Variants in OPTN observed in about 807,000 individuals in gnomAD.
OPTN encodes the protein optineurin.
A neutral mutation model predicts 70.4 loss-of-function variants in OPTN; 54 were observed. That is an observed-to-expected ratio of 0.77 (90% confidence interval 0.62 to 0.96). The LOEUF (loss-of-function observed/expected upper bound fraction) is 0.96, where lower values mean the gene tolerates loss of function less well. OPTN is among the 40% of genes least tolerant of loss of function. The probability of loss-of-function intolerance (pLI) is 0.00; values close to 1 mark genes in which losing one functional copy is unlikely to be tolerated. For missense variants in OPTN, 624 were observed against 673.2 expected (o/e 0.93, Z 0.81); for synonymous variants, 256 against 248.5 (o/e 1.03, Z -0.28).
At chr10:13,120,718 C>A (rs893634790) in intron 7 of OPTN, among the ~76,000 whole-genome samples, 2 of 152,132 alleles carry the variant, frequency 1.3e-5, no homozygotes, top group Non-Finnish European at 2.9e-5. Flanking sequence ...TTTGTCCTTA[C>A]GCCAGTACCA....
At chr10:13,121,214 G>A (rs1399163476) in intron 7 of OPTN, among the ~76,000 whole-genome samples, 1 of 152,148 alleles carries the variant, frequency 6.6e-6, no homozygotes, top group Non-Finnish European at 1.5e-5. Flanking sequence ...GGAATCAGAA[G>A]GTGGAGAGAC....
chr10:13,127,862 C>A lies in OPTN; in HGVS notation c.1360C>A (p.Gln454Lys). 1 of 1,614,068 alleles carries A rather than the reference C, an allele frequency of 6.2e-7. No individual in the cohort carries two copies. The highest frequency in any genetic ancestry group is 2.2e-5 in the East Asian group (1 of 44,864). ...MDEMKQTIAK[Q>K]EEDLETMTIL... is the part of the protein sequence containing the mutation. ...TGAAATGAAGCAAACCATTGCCAAG[C>A]AGGAAGAGGACCTGGAAACCATGAC... The change falls in exon 12 of 15, where the codon CAG (glutamine) becomes AAG (lysine). Residue 454 changes from glutamine to lysine, a missense_variant. Gln to Lys is a moderately conservative substitution (Grantham distance 53, BLOSUM62 1). Coordinates refer to ENST00000378747, the MANE Select transcript of OPTN (RefSeq NM_001008212.2).
Position 13,137,202 on chromosome 10 carries a change from C to A in OPTN, c.*336C>A. ...GTTGAGGCAGGAGAATTGCTTGAAC[C>A]CAGGAAGTGGCAGTTGCAGTGAGCC... On this transcript the variant is annotated 3_prime_UTR_variant, in exon 15 of 15. Coordinates refer to ENST00000378747, the MANE Select transcript of OPTN (RefSeq NM_001008212.2). 1 of 416,274 alleles carries A rather than the reference C, an allele frequency of 2.4e-6. No homozygotes were observed. The highest frequency in any genetic ancestry group is 4.6e-6 in the Non-Finnish European group (1 of 219,492). The allele number at this position is 416,274 out of a possible 1,614,324, so 25.8% of individuals were successfully genotyped here.
intron 3 of OPTN, 200 bp downstream of exon 3, chr10:13,109,488 G>T (rs997662846): frequency 1.5e-5 from 9 of 584,644 alleles, no homozygotes; most frequent in Non-Finnish European, 3.0e-6. Context: ...AGTAAAAACT[G>T]TGTGTATCTC....
chr10:13,109,473 G>A (rs1832945770), intron 3 of OPTN, 185 bp downstream of exon 3: 1 of 606,548 alleles, frequency 1.6e-6, no homozygotes, highest in Non-Finnish European at 2.9e-6. Context: ...TTGGAAACAG[G>A]TACAAGTAAA....
At chr10:13,108,422 G>A (rs1832913231) in intron 2 of OPTN, 133 bp downstream of exon 2, 1 of 152,112 alleles carries the variant, frequency 6.6e-6, no homozygotes, top group South Asian at 2.1e-4. Flanking sequence ...AAGGAGATTT[G>A]AATTTGAAGA....
rs1320861038 is a variant in OPTN, at chr10:13,102,256, G to A, written c.-164+1954G>A. 2.6e-5 allele frequency among the ~76,000 whole-genome samples: 4 copies of A among 152,358 alleles called. No homozygotes were observed. In the East Asian group the frequency reaches 7.7e-4, roughly 29 times the overall value. ...TCTTTAACGTGCCTTGGGTACGAGT[G>A]TTTTGGTGGCAGGAGGTGACTCTGG... On this transcript the variant is annotated intron_variant, in intron 1 of 14. Coordinates refer to ENST00000378747, the MANE Select transcript of OPTN (RefSeq NM_001008212.2).
rs1833407271 is a variant in OPTN, at chr10:13,124,004, G to A, written c.892G>A (p.Glu298Lys). 3.1e-6 allele frequency: 5 copies of A among 1,612,762 alleles called. No homozygotes were observed. The highest frequency in any genetic ancestry group is 4.2e-6 in the Non-Finnish European group (5 of 1,178,828). ...EEKGPETVGS[E>K]VEALNLQVTS... ...ATTTCCCGTATGATAGGTTGGAAGC[G>A]AAGTGGAAGCACTGAACCTCCAGGT... Residue 298 changes from glutamate (E) to lysine (K), a missense_variant, in exon 9 of 15, where the codon GAA becomes AAA. By Grantham distance (56) the Glu-to-Lys change is moderately conservative (BLOSUM62 1). Transcript: ENST00000378747.
rs745394420 is a variant in OPTN, at chr10:13,118,936, C to T, written c.675C>T (p.Tyr225=). 69 of 1,613,936 alleles carry T rather than the reference C, an allele frequency of 4.3e-5. No individual in the cohort carries two copies. Among genetic ancestry groups the T allele is most frequent in the Non-Finnish European group, 5.7e-5 (67 of 1,179,908 alleles). ...RSRSADGAKN[Y]FEHEELTVSQ... ...GATCTGCAGATGGGGCCAAGAATTA[C>T]TTCGAACATGAGGAGTTAACTGTGA... Residue 225 remains tyrosine (Y), a synonymous_variant, in exon 7 of 15, where the codon TAC becomes TAT. Transcript: ENST00000378747.
intron 11 of OPTN, among the ~76,000 whole-genome samples, 166 bp from the exon 12 acceptor site, chr10:13,127,579 A>G (rs1224279513): frequency 1.3e-5 from 2 of 151,668 alleles, no homozygotes; most frequent in Non-Finnish European, 2.9e-5. Flanking sequence ...CTTGTCTCCC[A>G]CTCCTGGGCT....
intron 7 of OPTN, among the ~76,000 whole-genome samples, chr10:13,119,974 TTTC>T (rs1833305968): frequency 6.8e-6 from 1 of 146,686 alleles, no homozygotes; most frequent in South Asian, 2.1e-4. Flanking sequence ...CTGCAACTAT[TTTC>T]TTTCTTTTTT....
chr10:13,102,201 A>T (rs1435261365), intron 1 of OPTN, among the ~76,000 whole-genome samples: 1 of 152,238 alleles, frequency 6.6e-6, no homozygotes, highest in Non-Finnish European at 1.5e-5. Context: ...GCAAGGACGC[A>T]GAGACAGAAG....
chr10:13,131,955 G>A, intron 12 of OPTN, 112 bp from the exon 13 acceptor site: 1 of 1,039,722 alleles, frequency 9.6e-7, no homozygotes, highest in East Asian at 2.6e-5. Flanking sequence ...TTGTGCATCT[G>A]TGATTCACAA....
chr10:13,131,695 A>C (rs1023467751), intron 12 of OPTN: 8 of 192,142 alleles, frequency 4.2e-5, no homozygotes, highest in African/African-American at 1.4e-4. Context: ...ACCAGCCTTC[A>C]TAAATACACC....
In OPTN at chr10:13,125,898, C is replaced by G. The variant is rs748146234; in HGVS notation, c.1149-48C>G. 5.9e-6 allele frequency: 8 copies of G among 1,366,640 alleles called. No individual in the cohort carries two copies. In the South Asian group the frequency reaches 8.2e-5, roughly 14 times the overall value. 84.7% of individuals were successfully genotyped at this position (1,366,640 alleles called of 1,614,324 possible). On this transcript the variant is annotated intron_variant, in intron 10 of 14. Coordinates refer to ENST00000378747, the MANE Select transcript of OPTN (RefSeq NM_001008212.2). The stretch of plus-strand genomic sequence containing the variant: ...GGTTGGGAGGCAAGACTATAAGTTT[C>G]TATGATATTTTCCCCAGGATTCCAT...
At position 13,127,743 on chromosome 10, in the gene OPTN, A is replaced by C. The variant is rs753145447; in HGVS notation, c.1243-2A>C. The C allele has an allele frequency of 1.2e-6, 2 of 1,613,606 alleles. No homozygotes were observed. Among genetic ancestry groups the C allele is most frequent in the Non-Finnish European group, 1.7e-6 (2 of 1,179,522 alleles). On this transcript the variant is annotated splice_acceptor_variant, in intron 11 of 14. Coordinates refer to ENST00000378747, the MANE Select transcript of OPTN (RefSeq NM_001008212.2). LOFTEE classifies it high-confidence loss of function. Reference sequence around the variant, plus strand: ...TTTCTAGAATAAATGTTTCTTTTTCAGTCAGAAAAAGTGGACAGGGCAGTG... The same window carrying C: ...TTTCTAGAATAAATGTTTCTTTTTCCGTCAGAAAAAGTGGACAGGGCAGTG...
intron 4 of OPTN, 60 bp from the exon 5 acceptor site, chr10:13,112,393 G>C (rs765461358): frequency 6.6e-7 from 1 of 1,519,956 alleles, no homozygotes; most frequent in African/African-American, 1.4e-5. Context: ...AAGGGCATGA[G>C]CCCATGGTGC....
chr10:13,126,435 C>G (rs7069456), intron 11 of OPTN, among the ~76,000 whole-genome samples: 1 of 150,576 alleles, frequency 6.6e-6, no homozygotes, highest in Non-Finnish European at 1.5e-5. Flanking sequence ...CGCCCGCCAC[C>G]GCGCCCGGCT....
chr10:13,129,573 G>A (rs886644791), intron 12 of OPTN, among the ~76,000 whole-genome samples: 3 of 79,228 alleles, frequency 3.8e-5, no homozygotes, highest in East Asian at 3.9e-4. Context: ...TGGTGGTCTC[G>A]AACAGTTGAC....
Sources: gnomAD v4.1 joint callset for allele counts (sites outside exome capture counted in the v4.1 genomes callset) on GRCh38, gnomAD v4.1.1 for gene constraint, MANE v1.5 for transcripts, NCBI Gene and HGNC (gene_info 2026-07-23, HGNC 2026-07-21) for gene names.